ZDHHC16: variants seen among roughly 807,000 people sequenced by gnomAD.
ZDHHC16 encodes palmitoyltransferase ZDHHC16.
Under a neutral mutation model 54.4 loss-of-function variants are expected in ZDHHC16, and 33 were observed. The observed-to-expected ratio is 0.61, with a 90% CI of 0.46 to 0.81. The LOEUF (loss-of-function observed/expected upper bound fraction) is 0.81. ZDHHC16 is among the 30% of genes least tolerant of loss of function. The probability of loss-of-function intolerance (pLI) is 0.00; values close to 1 mark genes in which losing one functional copy is unlikely to be tolerated. For synonymous variants in ZDHHC16, 185 were observed against 182.1 expected (o/e 1.02, Z -0.13); for missense variants, 420 against 485.9 (o/e 0.86, Z 1.28).
intron 1 of ZDHHC16, among the ~76,000 whole-genome samples, chr10:97,446,951 C>T (rs1377142482): frequency 6.6e-6 from 1 of 152,106 alleles, no homozygotes; most frequent in Non-Finnish European, 1.5e-5. Context: ...TCTCTTGATC[C>T]GCCCGCCTCG....
At chr10:97,453,966 C>G in intron 8 of ZDHHC16, 120 bp downstream of exon 8, 1 of 1,367,868 alleles carries the variant, frequency 7.3e-7, no homozygotes, top group South Asian at 1.2e-5. Flanking sequence ...CACTCTAGAC[C>G]AGATCAGGAG....
At chr10:97,452,628 T>C (rs1028215953) in intron 5 of ZDHHC16, 125 bp downstream of exon 5, 3 of 1,085,198 alleles carry the variant, frequency 2.8e-6, no homozygotes, top group Non-Finnish European at 2.7e-6. Flanking sequence ...TGATGTGCCC[T>C]CTTCTCCTGA....
At chr10:97,456,338 G>C (rs1351196046) in intron 11 of ZDHHC16, 1 of 427,834 alleles carries the variant, frequency 2.3e-6, no homozygotes, top group Non-Finnish European at 4.1e-6. Flanking sequence ...CTCACTTGGA[G>C]AGCAGTGTCT....
intron 8 of ZDHHC16, 65 bp from the exon 9 acceptor site, chr10:97,454,649 T>C (rs960126929): frequency 1.4e-6 from 2 of 1,391,408 alleles, no homozygotes; most frequent in African/African-American, 2.8e-5. Context: ...TGCCTATAGG[T>C]GCTGGGGGCA....
At chr10:97,453,393 T>G in intron 6 of ZDHHC16, 137 bp from the exon 7 acceptor site, 1 of 1,242,172 alleles carries the variant, frequency 8.1e-7, no homozygotes, top group East Asian at 2.3e-5. Flanking sequence ...TGTATTTTCT[T>G]GCCTTTGGAA....
intron 1 of ZDHHC16, among the ~76,000 whole-genome samples, chr10:97,447,552 C>T (rs1846199132): frequency 6.6e-6 from 1 of 152,172 alleles, no homozygotes; most frequent in African/African-American, 2.4e-5. Context: ...TGCTCTGTTT[C>T]CTCCCGTTCA....
intron 9 of ZDHHC16, among the ~76,000 whole-genome samples, chr10:97,455,320 T>C (rs1847065177): frequency 6.6e-6 from 1 of 152,176 alleles, no homozygotes. Flanking sequence ...TTCCACATAC[T>C]CTCTTTTCCC....
chr10:97,456,156 T>A, intron 11 of ZDHHC16, 112 bp downstream of exon 11: 1 of 1,068,332 alleles, frequency 9.4e-7, no homozygotes, highest in Non-Finnish European at 1.4e-6. Flanking sequence ...TTAGCACAGT[T>A]CTAGACTCTA....
At chr10:97,449,815 C>T (rs932936041) in intron 1 of ZDHHC16, among the ~76,000 whole-genome samples, 1 of 151,522 alleles carries the variant, frequency 6.6e-6, no homozygotes, top group Non-Finnish European at 1.5e-5. Flanking sequence ...CAGGCGTGAG[C>T]CACTGCGCCC....
intron 8 of ZDHHC16, 52 bp downstream of exon 8, chr10:97,453,898 A>ACCT (rs760253142): frequency 6.2e-7 from 1 of 1,612,682 alleles, no homozygotes; most frequent in Non-Finnish European, 8.5e-7. Flanking sequence ...GGGGGTATAG[A>ACCT]GTTGCTAAGG....
intron 11 of ZDHHC16, chr10:97,456,300 T>C (rs1847177569): frequency 2.0e-6 from 1 of 488,266 alleles, no homozygotes; most frequent in Admixed American, 3.7e-5. Context: ...GGCCTCTGGG[T>C]GTAGGATATG....
chr10:97,453,183 G>A (rs1846813137), intron 6 of ZDHHC16, among the ~76,000 whole-genome samples: 1 of 152,182 alleles, frequency 6.6e-6, no homozygotes, highest in Non-Finnish European at 1.5e-5. Context: ...GGGCTTCTGT[G>A]GTTGTTTACT....
Position 97,456,987 on chromosome 10 carries a change from A to G in ZDHHC16, c.*96A>G. 9.8e-7 allele frequency: 1 copy of G among 1,016,622 alleles called. No individual in the cohort carries two copies. The highest frequency in any genetic ancestry group is 1.4e-6 in the Non-Finnish European group (1 of 716,950). 63.0% of individuals were successfully genotyped at this position (1,016,622 alleles called of 1,614,324 possible). A position where few individuals can be genotyped will look rare whatever the true frequency, so the allele number is the denominator to read the frequency against. On this transcript the variant is annotated 3_prime_UTR_variant, in exon 12 of 12. Coordinates refer to ENST00000393760, the MANE Select transcript of ZDHHC16 (RefSeq NM_198046.3). ...AGCTTTTCTCAGAATCCTTGATCAA[A>G]AAGAGCCAGTGGGCCTGCCTTAGGG...
chr10:97,451,978 TCA>T (rs1846674898), intron 3 of ZDHHC16, 60 bp downstream of exon 3: 2 of 1,591,404 alleles, frequency 1.3e-6, no homozygotes, highest in East Asian at 4.5e-5. Flanking sequence ...GACATGTCTC[TCA>T]CAGACCCAAC....
intron 1 of ZDHHC16, among the ~76,000 whole-genome samples, chr10:97,446,643 T>C (rs1378573530): frequency 2.6e-5 from 4 of 152,224 alleles, no homozygotes; most frequent in Admixed American, 1.3e-4. Flanking sequence ...GAGCCCAAAC[T>C]GGAACCCACG....
rs1352779457 is a variant in ZDHHC16, at chr10:97,453,537, A to G, written c.564A>G (p.Leu188=). The G allele has an allele frequency of 3.1e-6, 5 of 1,613,972 alleles. No homozygotes were observed. Among genetic ancestry groups the G allele is most frequent in the Non-Finnish European group, 4.2e-6 (5 of 1,180,010 alleles). Residue 188 remains leucine (L), a synonymous_variant, in exon 7 of 12, where the codon CTA becomes CTG. Coordinates refer to ENST00000393760, the MANE Select transcript of ZDHHC16 (RefSeq NM_198046.3). ...VLKMDHHCPW[L]NNCVGHYNHR... ...TAATCATTTCCCAACCAGCCTGGCT[A>G]AACAATTGTGTGGGCCACTATAACC... is the stretch of plus-strand genomic sequence containing the variant.
intron 8 of ZDHHC16, among the ~76,000 whole-genome samples, chr10:97,454,388 G>T (rs1846966849): frequency 1.3e-5 from 2 of 152,216 alleles, no homozygotes; most frequent in Admixed American, 1.3e-4. Flanking sequence ...CTCTCTTGGG[G>T]ATGCAGCTGT....
At chr10:97,447,862 G>C (rs565158751) in intron 1 of ZDHHC16, among the ~76,000 whole-genome samples, 106 of 151,974 alleles carry the variant, frequency 7.0e-4, no homozygotes, top group African/African-American at 2.4e-3. Flanking sequence ...GGCGGAGGTT[G>C]TGGTGAGCCC....
chr10:97,449,500 C>G (rs1846398173), intron 1 of ZDHHC16, among the ~76,000 whole-genome samples: 1 of 152,094 alleles, frequency 6.6e-6, no homozygotes, highest in African/African-American at 2.4e-5. Flanking sequence ...AATCATGCTT[C>G]CAAACAATAG....
Sources: gnomAD v4.1 joint callset for allele counts (sites outside exome capture counted in the v4.1 genomes callset) on GRCh38, gnomAD v4.1.1 for gene constraint, MANE v1.5 for transcripts, NCBI Gene and HGNC (gene_info 2026-07-23, HGNC 2026-07-21) for gene names.